The following MSRA variants were observed in gnomAD, a reference collection of about 807,000 sequenced individuals.
MSRA encodes methionine sulfoxide reductase A.
A neutral mutation model predicts 31.3 loss-of-function variants in MSRA; 54 were observed. The ratio of observed to expected loss-of-function variants is 1.73; its 90% confidence interval spans 1.39 to 2.17. The LOEUF is 2.17. Among genes scored for constraint, MSRA ranks in the 30% most tolerant of loss-of-function variants. The pLI is 0.00. For synonymous variants in MSRA, 169 were observed against 116.5 expected (o/e 1.45, Z -2.90); for missense variants, 507 against 300.9 (o/e 1.69, Z -5.07).
intron 1 of MSRA, among the ~76,000 whole-genome samples, chr8:10,062,248 G>A (rs1305424216): frequency 6.6e-6 from 1 of 152,178 alleles, no homozygotes; most frequent in Non-Finnish European, 1.5e-5. Context: ...GCAGCAGCTG[G>A]CTGGCCCTGC....
At chr8:10,211,642 T>C (rs570313238) in intron 2 of MSRA, among the ~76,000 whole-genome samples, 1 of 152,150 alleles carries the variant, frequency 6.6e-6, no homozygotes, top group Non-Finnish European at 1.5e-5. Context: ...GTGGGCATCA[T>C]TGTGCTCCTT....
chr8:10,236,655 C>T (rs1811968573), intron 2 of MSRA, among the ~76,000 whole-genome samples: 1 of 152,188 alleles, frequency 6.6e-6, no homozygotes, highest in South Asian at 2.1e-4. Context: ...AGCGATTCTC[C>T]TGCCTCAGCC....
intron 1 of MSRA, among the ~76,000 whole-genome samples, chr8:10,108,102 A>G (rs1341959056): frequency 6.6e-6 from 1 of 152,174 alleles, no homozygotes; most frequent in Non-Finnish European, 1.5e-5. Flanking sequence ...GGCCTCCCTT[A>G]GCCCAGACTT....
At chr8:10,351,891 G>A (rs1804174052) in intron 5 of MSRA, among the ~76,000 whole-genome samples, 1 of 152,220 alleles carries the variant, frequency 6.6e-6, no homozygotes, top group South Asian at 2.1e-4. Flanking sequence ...GCTATGAGGT[G>A]CTTCTCTGGA....
chr8:10,184,551 A>G lies in MSRA; in HGVS notation c.143-23282A>G, dbSNP rs569330219. Among the ~76,000 whole-genome samples the G allele has an allele frequency of 4.6e-5, 7 of 152,170 alleles. No homozygotes were observed. The South Asian group carries it at 1.5e-3, about 32-fold the overall frequency. On this transcript the variant is annotated intron_variant, in intron 1 of 5. Coordinates refer to ENST00000317173, the MANE Select transcript of MSRA (RefSeq NM_012331.5). ...TTCTAGGGTTATTATTATTTTTAAC[A>G]CTTCCCTGATCGGTTTTTTTAGAAA... is the stretch of plus-strand genomic sequence containing the variant.
intron 5 of MSRA, among the ~76,000 whole-genome samples, chr8:10,328,818 G>A (rs1173822408): frequency 1.3e-5 from 2 of 152,164 alleles, no homozygotes. Flanking sequence ...CAGGGACTCA[G>A]GAAATCTTAC....
At chr8:10,079,090 C>T (rs1309494542) in intron 1 of MSRA, among the ~76,000 whole-genome samples, 4 of 152,150 alleles carry the variant, frequency 2.6e-5, no homozygotes, top group East Asian at 1.9e-4. Context: ...CAGAGTTTAG[C>T]GTTGCCCGCA....
chr8:10,123,407 T>C (rs1801268093), intron 1 of MSRA, among the ~76,000 whole-genome samples: 1 of 152,204 alleles, frequency 6.6e-6, no homozygotes, highest in African/African-American at 2.4e-5. Context: ...GAGTTTCTTA[T>C]TAGATACTAG....
intron 1 of MSRA, among the ~76,000 whole-genome samples, chr8:10,126,522 C>A (rs928041961): frequency 6.6e-6 from 1 of 151,972 alleles, no homozygotes; most frequent in Non-Finnish European, 1.5e-5. Flanking sequence ...TTCTTTCTTT[C>A]TTTTTTCTTT....
intron 5 of MSRA, among the ~76,000 whole-genome samples, chr8:10,347,996 A>G (rs1019114566): frequency 2.3e-4 from 35 of 152,212 alleles, no homozygotes; most frequent in African/African-American, 7.0e-4. Flanking sequence ...GGTCTTTGCC[A>G]TTTATAGAGT....
At chr8:10,390,255 A>G (rs1193819343) in intron 5 of MSRA, among the ~76,000 whole-genome samples, 1 of 152,164 alleles carries the variant, frequency 6.6e-6, no homozygotes, top group African/African-American at 2.4e-5. Flanking sequence ...CAGCCCTGAG[A>G]GGAGGGGGTC....
chr8:10,289,914 A>C (rs1800141844), intron 3 of MSRA, among the ~76,000 whole-genome samples: 1 of 152,228 alleles, frequency 6.6e-6, no homozygotes, highest in African/African-American at 2.4e-5. Flanking sequence ...CATTATTAGT[A>C]TATGGAGTTA....
intron 3 of MSRA, among the ~76,000 whole-genome samples, chr8:10,281,309 G>C (rs1323705620): frequency 1.3e-5 from 2 of 152,112 alleles, no homozygotes; most frequent in Non-Finnish European, 2.9e-5. Context: ...CATTCTCCTG[G>C]ACTTTTCCCC....
At chr8:10,186,979 T>C (rs1003444998) in intron 1 of MSRA, among the ~76,000 whole-genome samples, 2 of 152,224 alleles carry the variant, frequency 1.3e-5, no homozygotes, top group African/African-American at 4.8e-5. Flanking sequence ...TGCTTTTTAG[T>C]GTTGGCAGAG....
intron 1 of MSRA, among the ~76,000 whole-genome samples, chr8:10,143,318 C>A (rs1802862320): frequency 6.6e-6 from 1 of 152,092 alleles, no homozygotes; most frequent in African/African-American, 2.4e-5. Flanking sequence ...AAAATGCTGG[C>A]ATCTTAATTT....
chr8:10,349,690 T>C (rs1459012795), intron 5 of MSRA, among the ~76,000 whole-genome samples: 1 of 152,212 alleles, frequency 6.6e-6, no homozygotes, highest in Non-Finnish European at 1.5e-5. Context: ...CTGGCGCTCC[T>C]CGATTGGAAA....
At chr8:10,130,360 G>C (rs758479976) in intron 1 of MSRA, among the ~76,000 whole-genome samples, 2 of 152,204 alleles carry the variant, frequency 1.3e-5, no homozygotes, top group African/African-American at 2.4e-5. Context: ...TACTCGGTGA[G>C]AATGTTGACT....
rs140209581 is a variant in MSRA at position 10,428,251 on chromosome 8, C to G, written c.647C>G (p.Pro216Arg). 1.8e-5 allele frequency: 29 copies of G among 1,614,072 alleles called. No individual in the cohort carries two copies. The highest frequency in any genetic ancestry group is 2.3e-5 in the Non-Finnish European group (27 of 1,180,042). ...CACCAGCAGTACCTGAGCAAGAACC[C>G]CAATGGCTACTGCGGCCTTGGGGGC... ...DYHQQYLSKN[P>R]NGYCGLGGTG... Residue 216 changes from proline to arginine, a missense_variant, in exon 6 of 6, where the codon CCC becomes CGC. Physicochemically the swap from Pro to Arg is moderately radical, Grantham distance 103. Coordinates refer to ENST00000317173, the MANE Select transcript of MSRA (RefSeq NM_012331.5).
At position 10,146,192 on chromosome 8, in the gene MSRA, A is replaced by G. The variant is rs11989010; in HGVS notation, c.143-61641A>G. Among the ~76,000 whole-genome samples the G allele has an allele frequency of 3.4e-3, 515 of 152,350 alleles. 2 individuals carry two copies. Among genetic ancestry groups the G allele is most frequent in the African/African-American group, 0.012 (490 of 41,578 alleles). On this transcript the variant is annotated intron_variant, in intron 1 of 5. Coordinates refer to ENST00000317173, the MANE Select transcript of MSRA (RefSeq NM_012331.5). Reference sequence around the variant, plus strand: ...CAAAGAATGGTGCGATCGTAAAGGAAGAACCCATATTTGCTTTGGGTTTTT... The same window carrying G: ...CAAAGAATGGTGCGATCGTAAAGGAGGAACCCATATTTGCTTTGGGTTTTT...
Sources: gnomAD v4.1 joint callset for allele counts (sites outside exome capture counted in the v4.1 genomes callset) on GRCh38, gnomAD v4.1.1 for gene constraint, MANE v1.5 for transcripts, NCBI Gene and HGNC (gene_info 2026-07-23, HGNC 2026-07-21) for gene names.